The following RIPOR1 variants were observed in gnomAD, a reference collection of about 807,000 sequenced individuals.
The protein encoded by RIPOR1 is rho family-interacting cell polarization regulator 1.
A neutral mutation model predicts 116.5 loss-of-function variants in RIPOR1; 58 were observed. That is an observed-to-expected ratio of 0.50 (90% confidence interval 0.40 to 0.62). The LOEUF is 0.62. RIPOR1 is among the 20% of genes least tolerant of loss of function. The probability of loss-of-function intolerance (pLI) is 0.00; values close to 1 mark genes in which losing one functional copy is unlikely to be tolerated. For synonymous variants in RIPOR1, 605 were observed against 650.0 expected (o/e 0.93, Z 1.05); for missense variants, 1,372 against 1,586.2 (o/e 0.86, Z 2.29).
At chr16:67,536,823 C>T (rs2050806049) in intron 1 of RIPOR1, among the ~76,000 whole-genome samples, 1 of 152,210 alleles carries the variant, frequency 6.6e-6, no homozygotes, top group Admixed American at 6.5e-5. Context: ...CACAGCCCCT[C>T]CAATCAGCAC....
In RIPOR1 at chr16:67,529,378, T is replaced by C. The variant is rs534726651; in HGVS notation, c.-24+464T>C. On this transcript the variant is annotated intron_variant, in intron 1 of 21. Coordinates refer to ENST00000042381, the MANE Select transcript of RIPOR1 (RefSeq NM_024519.4). The surrounding 1 kb of genome is among the most constrained non-coding windows in gnomAD (Gnocchi z 4.1). ...ATCCTCCTAGCTCTAGGGGCCGGCC[T>C]AAGCGGCTTTGTGGCCGGCCCCGAG... 8.4e-5 allele frequency: 15 copies of C among 178,088 alleles called. No individual in the cohort carries two copies. The South Asian group carries it at 1.1e-3, about 13-fold the overall frequency. The allele number at this position is 178,088 out of a possible 1,614,324, so 11.0% of individuals were successfully genotyped here.
At position 67,545,522 on chromosome 16, in the gene RIPOR1, A is replaced by G. The variant is rs774016545; in HGVS notation, c.3178A>G (p.Thr1060Ala). 6.2e-7 allele frequency: 1 copy of G among 1,613,884 alleles called. No homozygotes were observed. The highest frequency in any genetic ancestry group is 1.3e-5 in the African/African-American group (1 of 74,914). ...CACCATGGAGGCCTACGTGACTGAG[A>G]CCGCTGAGGAGGGTGAGGCGGTGGC... ...SPTMEAYVTE[T>A]AEEVLLVRNL... Residue 1060 changes from threonine (T) to alanine (A), a missense_variant, in exon 18 of 22, where the codon ACC becomes GCC. Around this residue, in one of 3 missense-constraint regions of RIPOR1, gnomAD observed 1,005 missense variants for 1,144.7 expected, o/e 0.88. Transcript: ENST00000042381. The surrounding 1 kb of genome is among the most constrained non-coding windows in gnomAD (Gnocchi z 4.8).
In RIPOR1 at chr16:67,537,425, G is replaced by A. The variant is rs921768859; in HGVS notation, c.-23-999G>A. The A allele has an allele frequency of 8.1e-7, 1 of 1,239,672 alleles. No homozygotes were observed. Among genetic ancestry groups the A allele is most frequent in the Non-Finnish European group, 1.0e-6 (1 of 991,302 alleles). 76.8% of individuals were successfully genotyped at this position (1,239,672 alleles called of 1,614,324 possible). ...CCCATCCAGGCGGGCTGAGTCAGGC[G>A]GCAGGAACTGGGCGGGGGGCGGCGC... is the stretch of plus-strand genomic sequence containing the variant. On this transcript the variant is annotated intron_variant, in intron 1 of 21. Coordinates refer to ENST00000042381, the MANE Select transcript of RIPOR1 (RefSeq NM_024519.4). This position sits in a 1 kb window ranked among gnomAD's most constrained non-coding sequence, Gnocchi z 4.6.
chr16:67,539,201 A>G, intron 4 of RIPOR1, 133 bp downstream of exon 4: 2 of 751,754 alleles, frequency 2.7e-6, no homozygotes, highest in Non-Finnish European at 4.3e-6. Context: ...GGATATCAGG[A>G]AAGGCTGAGG....
intron 1 of RIPOR1, among the ~76,000 whole-genome samples, chr16:67,522,142 C>T (rs1312530146): frequency 1.3e-5 from 2 of 151,834 alleles, no homozygotes; most frequent in South Asian, 2.1e-4. Flanking sequence ...ATTCTTCTGC[C>T]TCAGCCTCCC....
chr16:67,528,694 G>T (rs1028566424), upstream of RIPOR1: 1 of 151,230 alleles, frequency 6.6e-6, no homozygotes, highest in Non-Finnish European at 1.5e-5. Context: ...GGCCTGCCCC[G>T]TTATCCGAGA....
At chr16:67,538,072 C>T in intron 1 of RIPOR1, 1 of 237,000 alleles carries the variant, frequency 4.2e-6, no homozygotes, top group Non-Finnish European at 8.1e-6. Context: ...TGCCCCGCCC[C>T]CGGGTAAACA....
At position 67,544,406 on chromosome 16, in the gene RIPOR1, TG is replaced by T. The variant is rs1360724053; in HGVS notation, c.2709del (p.Tyr904ThrfsTer8). The T allele has an allele frequency of 6.2e-7, 1 of 1,612,228 alleles. No individual in the cohort carries two copies. The highest frequency in any genetic ancestry group is 8.5e-7 in the Non-Finnish European group (1 of 1,179,578). On this transcript the variant is annotated frameshift_variant, in exon 15 of 22. Transcript: ENST00000042381. LOFTEE classifies it high-confidence loss of function. This position sits in a 1 kb window ranked among gnomAD's most constrained non-coding sequence, Gnocchi z 5.1. The part of the protein sequence containing the change: ...PALDAALVRH[L>X]YHCSRLLLKL... ...CTGGATGCTGCCTTGGTCCGGCACC[TG>T]TACCACTGCAGTCGCCTCCTGCTGG... is the stretch of plus-strand genomic sequence containing the variant.
upstream of RIPOR1, among the ~76,000 whole-genome samples, chr16:67,527,747 C>T (rs530905422): frequency 5.7e-4 from 86 of 151,390 alleles, no homozygotes; most frequent in African/African-American, 2.0e-3. Flanking sequence ...GTGGTGTGGG[C>T]GCCTGTAGTC....
chr16:67,542,536 ACT>A lies in RIPOR1; in HGVS notation c.1751_1752del (p.Thr584AsnfsTer118). On this transcript the variant is annotated frameshift_variant, in exon 13 of 22. Transcript: ENST00000042381. LOFTEE classifies it high-confidence loss of function. This position sits in a 1 kb window ranked among gnomAD's most constrained non-coding sequence, Gnocchi z 4.6. ...THKPIISTLT[T>X]TGPTLNIIGP... The stretch of plus-strand genomic sequence containing the variant: ...CAAGCCCATAATCTCTACCCTTACT[ACT>A]ACAGGCCCTACCCTCAATATCATAG... 6.2e-7 allele frequency: 1 copy of A among 1,613,612 alleles called. No individual in the cohort carries two copies. The highest frequency in any genetic ancestry group is 8.5e-7 in the Non-Finnish European group (1 of 1,179,876).
intron 1 of RIPOR1, among the ~76,000 whole-genome samples, chr16:67,523,536 A>C (rs1023624449): frequency 1.1e-4 from 16 of 150,848 alleles, no homozygotes; most frequent in African/African-American, 3.9e-4. Context: ...AAAAAAAAAA[A>C]AAAAAAAAAA....
At chr16:67,527,940 G>A (rs1479243423), upstream of RIPOR1, among the ~76,000 whole-genome samples, 5 of 151,934 alleles carry the variant, frequency 3.3e-5, no homozygotes, top group African/African-American at 1.2e-4. Flanking sequence ...TGGTGGGGGC[G>A]GGGTACAGAT....
rs1454701783 is a variant in RIPOR1, at chr16:67,542,442, C to T, written c.1656C>T (p.Thr552=). 1 of 1,613,884 alleles carries T rather than the reference C, an allele frequency of 6.2e-7. No individual in the cohort carries two copies. The highest frequency in any genetic ancestry group is 8.5e-7 in the Non-Finnish European group (1 of 1,179,914). Residue 552 remains threonine (T), a synonymous_variant, in exon 13 of 22, where the codon ACC becomes ACT. Transcript: ENST00000042381. This position sits in a 1 kb window ranked among gnomAD's most constrained non-coding sequence, Gnocchi z 4.6. ...PGPTHTTTGS[T]YSAITTTHSA... is the part of the protein sequence containing the mutation. The stretch of plus-strand genomic sequence containing the variant: ...CCACTCACACCACTACAGGCTCTAC[C>T]TATAGTGCCATTACCACTACCCACA...
At position 67,531,745 on chromosome 16, in the gene RIPOR1, G is replaced by T. The variant is rs1347276227; in HGVS notation, c.-24+2831G>T. On this transcript the variant is annotated intron_variant, in intron 1 of 21. Transcript: ENST00000042381. This position sits in a 1 kb window ranked among gnomAD's most constrained non-coding sequence, Gnocchi z 4.2. ...ATCCTGAAGGGCCTACGTGGGTCAT[G>T]TTAGAGAGTCTGGGCTTTCTCCCTG... The T allele has an allele frequency of 8.2e-6, 3 of 365,928 alleles. No homozygotes were observed. Among genetic ancestry groups the T allele is most frequent in the Non-Finnish European group, 1.1e-5 (2 of 182,238 alleles). The allele number at this position is 365,928 out of a possible 1,614,324, so 22.7% of individuals were successfully genotyped here.
exon 1 of RIPOR1, chr16:67,518,471 C>G (rs534984331): frequency 3.3e-5 from 5 of 152,468 alleles, no homozygotes; most frequent in African/African-American, 1.2e-4. Flanking sequence ...ATCCTGGGCT[C>G]TCAAGAGCCT....
In RIPOR1 at chr16:67,545,162, T is replaced by C; in HGVS notation, c.3031+45T>C. On this transcript the variant is annotated intron_variant, in intron 17 of 21. Transcript: ENST00000042381. This position sits in a 1 kb window ranked among gnomAD's most constrained non-coding sequence, Gnocchi z 4.8. ...CTTCCACCCTTGCTCAGATTCCCAG[T>C]GACAGGAAGCTCGGGGAAGCCAGGT... is the stretch of plus-strand genomic sequence containing the variant. The C allele has an allele frequency of 1.3e-6, 2 of 1,599,234 alleles. No individual in the cohort carries two copies. Among genetic ancestry groups the C allele is most frequent in the Non-Finnish European group, 1.7e-6 (2 of 1,173,692 alleles).
chr16:67,524,631 C>T (rs2050525413), upstream of RIPOR1, among the ~76,000 whole-genome samples: 1 of 152,132 alleles, frequency 6.6e-6, no homozygotes. Flanking sequence ...CAGGCCTCCC[C>T]ACCTCATTAA....
At chr16:67,532,066 T>G (rs952741757) in intron 1 of RIPOR1, among the ~76,000 whole-genome samples, 6 of 151,942 alleles carry the variant, frequency 3.9e-5, no homozygotes, top group Admixed American at 3.9e-4. Flanking sequence ...TAATTTTTTT[T>G]TTTTTTGTAT....
chr16:67,545,738 C>T lies in RIPOR1; in HGVS notation c.3265C>T (p.Arg1089Cys), dbSNP rs371086414. Reference protein sequence around the residue: ...LKALRLAPEGRLRRDGLRALS... With the variant: ...LKALRLAPEGCLRRDGLRALS... ...GGCCCTGAGATTGGCGCCCGAGGGGCGTCTGCGAAGGGACGGGCTGCGGGC... is the reference window on the plus strand; with the variant it reads ...GGCCCTGAGATTGGCGCCCGAGGGGTGTCTGCGAAGGGACGGGCTGCGGGC... The change falls in exon 19 of 22, where the codon CGT becomes TGT. Residue 1089 changes from arginine to cysteine, a missense_variant. Coordinates refer to ENST00000042381, the MANE Select transcript of RIPOR1 (RefSeq NM_024519.4). This position sits in a 1 kb window ranked among gnomAD's most constrained non-coding sequence, Gnocchi z 4.8. 2.2e-5 allele frequency: 36 copies of T among 1,608,278 alleles called. No homozygotes were observed. In the African/African-American group the frequency reaches 4.2e-4, roughly 19 times the overall value.
Sources: allele counts gnomAD v4.1 joint callset (sites outside exome capture counted in the v4.1 genomes callset), GRCh38; gene constraint gnomAD v4.1.1; regional missense constraint gnomAD v4.1.1; non-coding constraint Gnocchi (gnomAD v3.1); transcripts MANE v1.5; gene names NCBI Gene and HGNC (gene_info 2026-07-23, HGNC 2026-07-21).